GLIS1: variants seen among roughly 807,000 people sequenced by gnomAD.
GLIS1 encodes GLIS family zinc finger 1.
GLIS1 carries 24 observed loss-of-function variants against 63.8 expected under a neutral mutation model. That is an observed-to-expected ratio of 0.38 (90% CI 0.27 to 0.53). The LOEUF is 0.53. Ranked by LOEUF, GLIS1 falls within the 20% of genes least tolerant of loss-of-function variation. The pLI is 0.85. For missense variants in GLIS1, 1,036 were observed against 1,074.1 expected (o/e 0.96, Z 0.50); for synonymous variants, 450 against 482.5 (o/e 0.93, Z 0.88).
chr1:53,559,841 TAC>T (rs1378484402), intron 4 of GLIS1, among the ~76,000 whole-genome samples: 2 of 152,198 alleles, frequency 1.3e-5, no homozygotes, highest in East Asian at 3.9e-4. Flanking sequence ...CCCAGTCATA[TAC>T]ACACACTCTA....
intron 2 of GLIS1, among the ~76,000 whole-genome samples, chr1:53,705,853 C>A (rs1646573956): frequency 6.6e-6 from 1 of 152,132 alleles, no homozygotes; most frequent in African/African-American, 2.4e-5. Flanking sequence ...CTGAGCTTTC[C>A]CATCAATGCT....
chr1:53,593,994 G>A (rs532485222), intron 4 of GLIS1, 114 bp downstream of exon 4: 85 of 1,250,764 alleles, frequency 6.8e-5, no homozygotes, highest in Non-Finnish European at 8.8e-5. Flanking sequence ...TCAACCACAG[G>A]GATCTCAGCC....
intron 2 of GLIS1, among the ~76,000 whole-genome samples, chr1:53,693,700 C>A (rs371768025): frequency 6.6e-6 from 1 of 152,118 alleles, no homozygotes; most frequent in Non-Finnish European, 1.5e-5. Flanking sequence ...GGCGCTCTGG[C>A]GGCACTGAAG....
At chr1:53,697,655 A>G (rs1441021287) in intron 2 of GLIS1, among the ~76,000 whole-genome samples, 1 of 152,158 alleles carries the variant, frequency 6.6e-6, no homozygotes, top group Non-Finnish European at 1.5e-5. Context: ...GGACCTACCC[A>G]TCCATCACAC....
intron 2 of GLIS1, among the ~76,000 whole-genome samples, chr1:53,612,888 G>GC (rs1645440431): frequency 6.7e-6 from 1 of 150,188 alleles, no homozygotes; most frequent in Non-Finnish European, 1.5e-5. Context: ...GCACGATCTC[G>GC]ACTCACAGCA....
chr1:53,675,600 C>T (rs940968696), intron 2 of GLIS1, among the ~76,000 whole-genome samples: 1 of 152,222 alleles, frequency 6.6e-6, no homozygotes, highest in Non-Finnish European at 1.5e-5. Flanking sequence ...TGTGCAAACA[C>T]ACAGGTGTCA....
chr1:53,539,782 T>G lies in GLIS1; in HGVS notation c.1321-9830A>C, dbSNP rs1644623487. Among the ~76,000 whole-genome samples the G allele has an allele frequency of 6.6e-6, 1 of 152,078 alleles. No homozygotes were observed. The highest frequency in any genetic ancestry group is 6.5e-5 in the Admixed American group (1 of 15,274). ...TGGCCACCTGGAACATGGATGTGCG[T>G]GTGGGGTTCACTGAGGGGCTGGGTC... On this transcript the variant is annotated intron_variant, in intron 4 of 10. Coordinates refer to ENST00000628545, the MANE Select transcript of GLIS1 (RefSeq NM_001367484.1). The surrounding 1 kb of genome is among the most constrained non-coding windows in gnomAD (Gnocchi z 5.0).
chr1:53,734,339 C>A, intron 2 of GLIS1: 2 of 304,208 alleles, frequency 6.6e-6, no homozygotes, highest in Non-Finnish European at 9.7e-6. Context: ...TACTAGTTAC[C>A]AATTCCCAAA....
At chr1:53,707,226 C>T (rs933136174) in intron 2 of GLIS1, among the ~76,000 whole-genome samples, 1 of 152,160 alleles carries the variant, frequency 6.6e-6, no homozygotes, top group African/African-American at 2.4e-5. Flanking sequence ...TATGGGAAGT[C>T]ACATAACCTA....
chr1:53,627,356 T>C (rs1645606768), intron 2 of GLIS1, among the ~76,000 whole-genome samples: 1 of 152,180 alleles, frequency 6.6e-6, no homozygotes, highest in South Asian at 2.1e-4. Flanking sequence ...CCGGACCGCT[T>C]CCCTGAGCGA....
At chr1:53,541,220 G>A (rs773813165) in intron 4 of GLIS1, among the ~76,000 whole-genome samples, 7 of 152,190 alleles carry the variant, frequency 4.6e-5, no homozygotes, top group Non-Finnish European at 8.8e-5. Context: ...GGACAGAGCC[G>A]GATGATGTGT....
intron 4 of GLIS1, among the ~76,000 whole-genome samples, chr1:53,582,798 C>T (rs1224535160): frequency 6.6e-6 from 1 of 152,242 alleles, no homozygotes; most frequent in Non-Finnish European, 1.5e-5. Context: ...GCCTCAGTTT[C>T]CACATCTGCA....
In GLIS1 at chr1:53,509,162, G is replaced by T. The variant is rs1216238811; in HGVS notation, c.2188C>A (p.Pro730Thr). 1 of 1,598,536 alleles carries T rather than the reference G, an allele frequency of 6.3e-7. No individual in the cohort carries two copies. Among genetic ancestry groups the T allele is most frequent in the South Asian group, 1.1e-5 (1 of 88,638 alleles). ...GTGCTGAGGCTGTGGTAGCCATTGG[G>T]CCGCAGGGGGTTGAAACCGTGGGTC... is the stretch of plus-strand genomic sequence containing the variant. ...GETHGFNPLR[P>T]NGYHSLSTPL... The change falls in exon 10 of 11, where the codon CCC becomes ACC. Residue 730 changes from proline to threonine, a missense_variant. Transcript: ENST00000628545.
intron 4 of GLIS1, among the ~76,000 whole-genome samples, chr1:53,586,107 C>T (rs1645132065): frequency 6.6e-6 from 1 of 152,146 alleles, no homozygotes. Flanking sequence ...AGGCTCTGAC[C>T]TAATTGCAAG....
intron 2 of GLIS1, among the ~76,000 whole-genome samples, chr1:53,652,386 G>A (rs1028547148): frequency 1.3e-5 from 2 of 152,244 alleles, no homozygotes; most frequent in Non-Finnish European, 2.9e-5. Flanking sequence ...AGGCCCAGGG[G>A]TGAGTCCTCC....
rs1020723338 is a variant in GLIS1 at position 53,539,891 on chromosome 1, C to A, written c.1321-9939G>T. On this transcript the variant is annotated intron_variant, in intron 4 of 10. Transcript: ENST00000628545. The surrounding 1 kb of genome is among the most constrained non-coding windows in gnomAD (Gnocchi z 5.0). Reference sequence around the variant, plus strand: ...GCATAGCCTGAGAGATCTCCACTGACCTCTCTAGCCCAATGTCTACTTCCC... The same window carrying A: ...GCATAGCCTGAGAGATCTCCACTGAACTCTCTAGCCCAATGTCTACTTCCC... Among the ~76,000 whole-genome samples, 4 of 152,154 alleles carry A rather than the reference C, an allele frequency of 2.6e-5. No individual in the cohort carries two copies. Among genetic ancestry groups the A allele is most frequent in the Admixed American group, 2.6e-4 (4 of 15,280 alleles).
intron 2 of GLIS1, among the ~76,000 whole-genome samples, chr1:53,651,895 A>T (rs1177359569): frequency 6.7e-6 from 1 of 150,120 alleles, no homozygotes; most frequent in Non-Finnish European, 1.5e-5. Flanking sequence ...AAAAAAAGCA[A>T]TTGACAAGCG....
At chr1:53,514,827 G>A in intron 7 of GLIS1, 46 bp from the exon 8 acceptor site, 1 of 1,515,002 alleles carries the variant, frequency 6.6e-7, no homozygotes, top group Non-Finnish European at 8.8e-7. Flanking sequence ...CCACTCCCTA[G>A]AGATGGTTGT....
intron 2 of GLIS1, among the ~76,000 whole-genome samples, chr1:53,709,417 C>CATACATATATATACATATACATATATAT (rs879357045): frequency 8.1e-6 from 1 of 122,786 alleles, no homozygotes; most frequent in Admixed American, 8.0e-5. Context: ...TATATACACA[C>CATACATATATATACATATACATATATAT]ACACACACAC....
Sources: gnomAD v4.1 joint callset for allele counts (sites outside exome capture counted in the v4.1 genomes callset) on GRCh38, gnomAD v4.1.1 for gene constraint, Gnocchi (gnomAD v3.1) non-coding constraint, MANE v1.5 for transcripts, NCBI Gene and HGNC (gene_info 2026-07-23, HGNC 2026-07-21) for gene names.